The following PLCL2 variants were observed in gnomAD, a reference collection of about 807,000 sequenced individuals.
The protein encoded by PLCL2 is phospholipase C like 2.
Under a neutral mutation model 79.6 loss-of-function variants are expected in PLCL2, and 4 were observed. That is an observed-to-expected ratio of 0.05 (90% CI 0.02 to 0.11). PLCL2 has a LOEUF of 0.11. Ranked by LOEUF, PLCL2 falls within the 10% of genes least tolerant of loss-of-function variation. The probability of loss-of-function intolerance (pLI) is 1.00; values close to 1 mark genes in which losing one functional copy is unlikely to be tolerated. For missense variants in PLCL2, 895 were observed against 1,291.0 expected, an observed-to-expected ratio of 0.69 and a Z score of 4.70; for synonymous variants, 484 against 457.7, an observed-to-expected ratio of 1.06 and a Z score of -0.73.
intron 1 of PLCL2, among the ~76,000 whole-genome samples, chr3:16,911,146 C>T (rs940786803): frequency 1.3e-5 from 2 of 151,030 alleles, no homozygotes; most frequent in Admixed American, 6.6e-5. Context: ...CCAGCTACTC[C>T]GGAGGCTGAG....
At chr3:16,967,866 C>T (rs1273403973) in intron 1 of PLCL2, among the ~76,000 whole-genome samples, 2 of 151,840 alleles carry the variant, frequency 1.3e-5, no homozygotes, top group African/African-American at 4.8e-5. Context: ...GCATTTCTTA[C>T]GTTATCTTCC....
At chr3:16,892,731 T>C (rs1337957469) in intron 1 of PLCL2, among the ~76,000 whole-genome samples, 1 of 152,196 alleles carries the variant, frequency 6.6e-6, no homozygotes, top group Non-Finnish European at 1.5e-5. Flanking sequence ...GAAGAGATAC[T>C]AGGAGATGCT....
At chr3:16,900,352 T>C (rs1461869532) in intron 1 of PLCL2, among the ~76,000 whole-genome samples, 1 of 152,180 alleles carries the variant, frequency 6.6e-6, no homozygotes, top group African/African-American at 2.4e-5. Flanking sequence ...TTACAAATCA[T>C]CCTTGTTTTC....
chr3:17,015,342 A>C (rs775929411), intron 3 of PLCL2, among the ~76,000 whole-genome samples: 5 of 152,216 alleles, frequency 3.3e-5, no homozygotes, highest in African/African-American at 9.6e-5. Context: ...CCTGTATCAC[A>C]TGACTCTGCA....
At chr3:16,976,196 G>A (rs757728605) in intron 1 of PLCL2, among the ~76,000 whole-genome samples, 1 of 152,164 alleles carries the variant, frequency 6.6e-6, no homozygotes. Context: ...TATGATATTT[G>A]TGCGTGTATA....
chr3:17,081,406 T>A, intron 5 of PLCL2: 1 of 350,764 alleles, frequency 2.9e-6, no homozygotes. Context: ...GCTGCCGCAC[T>A]GGATCCCTCA....
intron 1 of PLCL2, among the ~76,000 whole-genome samples, chr3:16,910,919 T>C (rs946430325): frequency 1.3e-5 from 2 of 152,166 alleles, no homozygotes; most frequent in Non-Finnish European, 2.9e-5. Flanking sequence ...CTTCGAGATA[T>C]AACTAGTGAT....
chr3:16,893,030 A>C (rs1161427724), intron 1 of PLCL2, among the ~76,000 whole-genome samples: 1 of 152,194 alleles, frequency 6.6e-6, no homozygotes, highest in South Asian at 2.1e-4. Context: ...CAGTACTAAA[A>C]TAGACAACTA....
chr3:17,003,252 G>A (rs934037907), intron 1 of PLCL2, among the ~76,000 whole-genome samples: 1 of 152,138 alleles, frequency 6.6e-6, no homozygotes, highest in Non-Finnish European at 1.5e-5. Flanking sequence ...TCAGAAATGG[G>A]CATATCTCTT....
At chr3:16,964,370 A>G (rs2063785197) in intron 1 of PLCL2, among the ~76,000 whole-genome samples, 1 of 152,290 alleles carries the variant, frequency 6.6e-6, no homozygotes. Context: ...TAATGGCTGC[A>G]TAGTATCCCA....
chr3:17,004,730 G>C (rs1472924549), intron 1 of PLCL2, among the ~76,000 whole-genome samples: 1 of 152,078 alleles, frequency 6.6e-6, no homozygotes, highest in Non-Finnish European at 1.5e-5. Context: ...CTGAAGAAAG[G>C]TCAGGCCTTG....
At chr3:17,026,634 G>T (rs1000118056) in intron 3 of PLCL2, among the ~76,000 whole-genome samples, 1 of 152,116 alleles carries the variant, frequency 6.6e-6, no homozygotes, top group Admixed American at 6.6e-5. Flanking sequence ...CCAGCACTTT[G>T]GGAGGCCGAG....
chr3:16,928,919 G>A (rs78620376), intron 1 of PLCL2, among the ~76,000 whole-genome samples: 2,395 of 151,472 alleles, frequency 0.016, 67 homozygotes, highest in African/African-American at 0.054. Flanking sequence ...CCATTTCAGC[G>A]GAGGGACAGA....
At chr3:16,895,763 A>C (rs1432523213) in intron 1 of PLCL2, among the ~76,000 whole-genome samples, 1 of 152,258 alleles carries the variant, frequency 6.6e-6, no homozygotes, top group East Asian at 1.9e-4. Context: ...TATGAGGAAA[A>C]GGAAGAAAGA....
intron 5 of PLCL2, among the ~76,000 whole-genome samples, chr3:17,071,465 A>T (rs543198992): frequency 2.0e-5 from 3 of 152,192 alleles, no homozygotes; most frequent in Non-Finnish European, 2.9e-5. Context: ...ATAAAAAAGC[A>T]TTCATTTGTT....
At chr3:17,040,860 C>T (rs1395438375) in intron 3 of PLCL2, among the ~76,000 whole-genome samples, 2 of 152,140 alleles carry the variant, frequency 1.3e-5, no homozygotes, top group Non-Finnish European at 1.5e-5. Context: ...GTTTTGTTCT[C>T]CTCCACTCCT....
intron 1 of PLCL2, among the ~76,000 whole-genome samples, chr3:16,909,370 A>G (rs1696822099): frequency 6.6e-6 from 1 of 152,222 alleles, no homozygotes; most frequent in Non-Finnish European, 1.5e-5. Context: ...AGGAAAAGGA[A>G]ATAATAATAG....
rs1294164186 is a variant in PLCL2, at chr3:16,938,062, A to G, written c.327+52696A>G. Reference sequence around the variant, plus strand: ...CAAGCATGACTACCTGTATAATGCAATCGTGTTAAATCATTGTTACATGTA... The same window carrying G: ...CAAGCATGACTACCTGTATAATGCAGTCGTGTTAAATCATTGTTACATGTA... On this transcript the variant is annotated intron_variant, in intron 1 of 5. Coordinates refer to ENST00000615277, the MANE Select transcript of PLCL2 (RefSeq NM_001144382.2). Among the ~76,000 whole-genome samples, 4 of 152,300 alleles carry G rather than the reference A, an allele frequency of 2.6e-5. No individual in the cohort carries two copies. The East Asian group carries it at 7.7e-4, about 29-fold the overall frequency.
rs1234873669 is a variant in PLCL2 at position 17,009,829 on chromosome 3, G to A, written c.483G>A (p.Arg161=). 2 of 1,613,782 alleles carry A rather than the reference G, an allele frequency of 1.2e-6. No homozygotes were observed. The highest frequency in any genetic ancestry group is 1.7e-6 in the Non-Finnish European group (2 of 1,179,746). ...KVRSNSRIYH[R]YFLLDADMQS... is the part of the protein sequence containing the mutation. ...GCTCCAACTCTAGAATTTATCATAGGTACTTTTTACTGGATGCTGACATGC... is the reference window on the plus strand; with the variant it reads ...GCTCCAACTCTAGAATTTATCATAGATACTTTTTACTGGATGCTGACATGC... Residue 161 remains arginine (R), a synonymous_variant, in exon 2 of 6, where the codon AGG becomes AGA. Coordinates refer to ENST00000615277, the MANE Select transcript of PLCL2 (RefSeq NM_001144382.2). This position sits in a 1 kb window ranked among gnomAD's most constrained non-coding sequence, Gnocchi z 4.0.
Sources: gnomAD v4.1 joint callset for allele counts (sites outside exome capture counted in the v4.1 genomes callset) on GRCh38, gnomAD v4.1.1 for gene constraint, Gnocchi (gnomAD v3.1) non-coding constraint, MANE v1.5 for transcripts, NCBI Gene and HGNC (gene_info 2026-07-23, HGNC 2026-07-21) for gene names.